The following NUP153 variants were observed in gnomAD, a reference collection of about 807,000 sequenced individuals.
NUP153 encodes the protein nucleoporin 153.
A neutral mutation model predicts 134.6 loss-of-function variants in NUP153; 27 were observed. That is an observed-to-expected ratio of 0.20 (90% CI 0.15 to 0.28). NUP153 has a LOEUF of 0.28. Among genes scored for constraint, NUP153 ranks in the 10% least tolerant of loss-of-function variants. NUP153 has a pLI of 1.00. For missense variants in NUP153, 1,821 were observed against 1,731.3 expected, an observed-to-expected ratio of 1.05 and a Z score of -0.92; for synonymous variants, 640 against 623.5, an observed-to-expected ratio of 1.03 and a Z score of -0.40.
At position 17,675,842 on chromosome 6, in the gene NUP153, T is replaced by C; in HGVS notation, c.335-72A>G. The C allele has an allele frequency of 7.1e-7, 1 of 1,411,860 alleles. No individual in the cohort carries two copies. Among genetic ancestry groups the C allele is most frequent in the Admixed American group, 1.7e-5 (1 of 58,788 alleles). The allele number at this position is 1,411,860 out of a possible 1,614,324, so 87.5% of individuals were successfully genotyped here. A position where few individuals can be genotyped will look rare whatever the true frequency, so the allele number is the denominator to read the frequency against. On this transcript the variant is annotated intron_variant, in intron 2 of 21. Transcript: ENST00000262077. This position sits in a 1 kb window ranked among gnomAD's most constrained non-coding sequence, Gnocchi z 4.4. ...ACACTACCACAAATGGTTTTTACTT[T>C]AAGAAAACACATTACAGTATATAAT...
Position 17,628,699 on chromosome 6 carries a change from G to A in NUP153, c.3500C>T (p.Ala1167Val), listed in dbSNP as rs997219472. ...KPSEKESEQP[A>V]KATFAFGAQT... The stretch of plus-strand genomic sequence containing the variant: ...AGCTCCAAAGGCAAAAGTGGCTTTT[G>A]CTGGCTGTTCAGATTCCTTCTCAGA... Residue 1167 changes from alanine (A) to valine (V), a missense_variant, in exon 18 of 22, where the codon GCA (alanine) becomes GTA (valine). Ala to Val is a moderately conservative substitution (Grantham distance 64). Coordinates refer to ENST00000262077, the MANE Select transcript of NUP153 (RefSeq NM_005124.4). The surrounding 1 kb of genome is among the most constrained non-coding windows in gnomAD (Gnocchi z 5.4). The A allele has an allele frequency of 1.2e-6, 2 of 1,611,542 alleles. No individual in the cohort carries two copies. Among genetic ancestry groups the A allele is most frequent in the South Asian group, 1.1e-5 (1 of 90,926 alleles).
At chr6:17,691,561 TGGA>T (rs1256840738) in intron 1 of NUP153, among the ~76,000 whole-genome samples, 3 of 152,122 alleles carry the variant, frequency 2.0e-5, no homozygotes, top group Non-Finnish European at 4.4e-5. Flanking sequence ...GGCCAGGAGC[TGGA>T]GACCAGCCTG....
At chr6:17,678,203 A>C (rs1768341394) in intron 2 of NUP153, among the ~76,000 whole-genome samples, 3 of 151,952 alleles carry the variant, frequency 2.0e-5, no homozygotes, top group Admixed American at 2.0e-4. Context: ...TAAAAACACA[A>C]AAATTACCCG....
intron 2 of NUP153, among the ~76,000 whole-genome samples, chr6:17,679,610 A>C (rs1173298768): frequency 2.6e-5 from 4 of 152,260 alleles, no homozygotes; most frequent in African/African-American, 9.6e-5. Flanking sequence ...TTCTGATTTT[A>C]AAACTTAATA....
intron 1 of NUP153, among the ~76,000 whole-genome samples, chr6:17,691,683 T>C (rs969978171): frequency 2.0e-4 from 30 of 152,128 alleles, no homozygotes; most frequent in African/African-American, 6.3e-4. Context: ...GAGAATCGCT[T>C]GAACGTGGGA....
At chr6:17,704,731 A>AAAAAAAAAAAAT (rs1770364302) in intron 1 of NUP153, among the ~76,000 whole-genome samples, 1 of 36,240 alleles carries the variant, frequency 2.8e-5, no homozygotes, top group African/African-American at 9.0e-5. Context: ...ACTAGAAGAC[A>AAAAAAAAAAAAT]AAAAAAAAAA....
In NUP153 at chr6:17,616,192, TA is replaced by T. The variant is rs1384469234; in HGVS notation, c.4344-12del. 5 of 1,362,686 alleles carry T rather than the reference TA, an allele frequency of 3.7e-6. No individual in the cohort carries two copies. The Admixed American group carries it at 8.6e-5, about 24-fold the overall frequency. The allele number at this position is 1,362,686 out of a possible 1,614,324, so 84.4% of individuals were successfully genotyped here. On this transcript the variant is annotated splice_polypyrimidine_tract_variant and intron_variant, in intron 21 of 21. Transcript: ENST00000262077. ...TTTTTCCCATTTGACCTGTGAAAAA[TA>T]AAAACTTCATAATGTGACATGATGC...
chr6:17,701,890 A>G (rs1002790553), intron 1 of NUP153, among the ~76,000 whole-genome samples: 2 of 146,802 alleles, frequency 1.4e-5, no homozygotes, highest in Non-Finnish European at 3.0e-5. Flanking sequence ...AACTATATCT[A>G]GGAGGATTAA....
chr6:17,699,498 G>GA (rs897150424), intron 1 of NUP153, among the ~76,000 whole-genome samples: 1 of 121,762 alleles, frequency 8.2e-6, no homozygotes, highest in Non-Finnish European at 1.8e-5. Context: ...AAAAAAAAAA[G>GA]AAAATACAAG....
At chr6:17,693,298 AC>A (rs898351090) in intron 1 of NUP153, among the ~76,000 whole-genome samples, 6 of 151,572 alleles carry the variant, frequency 4.0e-5, no homozygotes, top group African/African-American at 1.5e-4. Flanking sequence ...GTTTCTATGG[AC>A]TGCACTACCA....
chr6:17,620,591 C>T (rs1764599042), intron 20 of NUP153, among the ~76,000 whole-genome samples: 1 of 152,224 alleles, frequency 6.6e-6, no homozygotes, highest in Non-Finnish European at 1.5e-5. Context: ...CCAAGCTTGT[C>T]CAACCGAGAG....
At chr6:17,687,484 AAAGT>A (rs1428818792) in intron 2 of NUP153, among the ~76,000 whole-genome samples, 2 of 152,210 alleles carry the variant, frequency 1.3e-5, no homozygotes, top group Non-Finnish European at 2.9e-5. Context: ...TACTCTAATA[AAAGT>A]AAGTGAACAT....
At chr6:17,678,490 CA>C (rs1453150388) in intron 2 of NUP153, among the ~76,000 whole-genome samples, 1 of 150,844 alleles carries the variant, frequency 6.6e-6, no homozygotes, top group Non-Finnish European at 1.5e-5. Flanking sequence ...TACTAAAAAG[CA>C]AAAATAAGAT....
Position 17,632,675 on chromosome 6 carries a change from C to A in NUP153, c.2634G>T (p.Lys878Asn). The A allele has an allele frequency of 6.2e-7, 1 of 1,610,856 alleles. No individual in the cohort carries two copies. Among genetic ancestry groups the A allele is most frequent in the Non-Finnish European group, 8.5e-7 (1 of 1,178,796 alleles). Residue 878 changes from lysine (K) to asparagine (N), a missense_variant, in exon 17 of 22, where the codon AAG becomes AAT. Coordinates refer to ENST00000262077, the MANE Select transcript of NUP153 (RefSeq NM_005124.4). ...CTTTAAACCCAGATTTTGTGCCTGG[C>A]TTTGCACTTTCACATGCCAAACATT... ...STKCLACESA[K>N]PGTKSGFKGF...
chr6:17,651,258 G>A (rs1443392647), intron 11 of NUP153, among the ~76,000 whole-genome samples: 1 of 152,070 alleles, frequency 6.6e-6, no homozygotes, highest in African/African-American at 2.4e-5. Context: ...GGCCATGACT[G>A]TGCCACTGCA....
At chr6:17,649,753 T>C (rs1233975507) in intron 11 of NUP153, among the ~76,000 whole-genome samples, 2 of 152,250 alleles carry the variant, frequency 1.3e-5, no homozygotes, top group Non-Finnish European at 2.9e-5. Context: ...ATAATTGTTC[T>C]ATTTTATTGT....
rs1172382494 is a variant in NUP153 at position 17,638,221 on chromosome 6, T to C, written c.1847-451A>G. Among the ~76,000 whole-genome samples the C allele has an allele frequency of 1.3e-5, 2 of 152,370 alleles. No homozygotes were observed. The highest frequency in any genetic ancestry group is 4.8e-5 in the African/African-American group (2 of 41,586). On this transcript the variant is annotated intron_variant, in intron 15 of 21. Transcript: ENST00000262077. This position sits in a 1 kb window ranked among gnomAD's most constrained non-coding sequence, Gnocchi z 4.0. ...ATTTTGTCCAGTCATAACCTACTGC[T>C]GTGGTATTCTCTACCTTCAGTAAAA... is the stretch of plus-strand genomic sequence containing the variant.
At chr6:17,665,987 CTT>C (rs199861173) in intron 8 of NUP153, among the ~76,000 whole-genome samples, 53 of 136,106 alleles carry the variant, frequency 3.9e-4, no homozygotes, top group Admixed American at 4.5e-4. Context: ...ACTCACCTGG[CTT>C]TTTTTTTTTT....
intron 20 of NUP153, among the ~76,000 whole-genome samples, chr6:17,618,788 G>C (rs1050318263): frequency 2.0e-5 from 3 of 152,100 alleles, no homozygotes; most frequent in South Asian, 2.1e-4. Flanking sequence ...GGATGGTCTC[G>C]ATATCCTGAC....
Sources: gnomAD v4.1 joint callset for allele counts (sites outside exome capture counted in the v4.1 genomes callset) on GRCh38, gnomAD v4.1.1 for gene constraint, Gnocchi (gnomAD v3.1) non-coding constraint, MANE v1.5 for transcripts, NCBI Gene and HGNC (gene_info 2026-07-23, HGNC 2026-07-21) for gene names.